DNAH14: variants seen among roughly 807,000 people sequenced by gnomAD.
DNAH14 encodes axonemal beta dynein heavy chain 14.
In DNAH14, 478 loss-of-function variants were observed where a neutral mutation model predicts 520.9. The observed-to-expected ratio is 0.92, with a 90% CI of 0.85 to 0.99. The LOEUF (loss-of-function observed/expected upper bound fraction) is 0.99. Ranked by LOEUF, DNAH14 falls within the 50% of genes least tolerant of loss-of-function variation. The pLI is 0.00. For missense variants in DNAH14, 4,831 were observed against 5,234.5 expected (o/e 0.92, Z 2.38); for synonymous variants, 1,581 against 1,757.2 (o/e 0.90, Z 2.51).
chr1:225,101,118 T>C (rs550859940), intron 23 of DNAH14, among the ~76,000 whole-genome samples: 94 of 152,090 alleles, frequency 6.2e-4, no homozygotes, highest in African/African-American at 2.2e-3. Context: ...AGTGCCCAGG[T>C]TCCCTTACCT....
rs748057987 is a variant in DNAH14, at chr1:224,974,167, C to G, written c.830+14C>G. Reference sequence around the variant, plus strand: ...AGAGAAGAGCAGGTAAGTTTTGATACGCAATATATAAAAATTTCAAAAGGA... The same window carrying G: ...AGAGAAGAGCAGGTAAGTTTTGATAGGCAATATATAAAAATTTCAAAAGGA... On this transcript the variant is annotated intron_variant, in intron 8 of 85. Transcript: ENST00000682510. 1 of 1,428,960 alleles carries G rather than the reference C, an allele frequency of 7.0e-7. No homozygotes were observed. Among genetic ancestry groups the G allele is most frequent in the Non-Finnish European group, 9.3e-7 (1 of 1,079,700 alleles). The allele number at this position is 1,428,960 out of a possible 1,614,324, so 88.5% of individuals were successfully genotyped here. A position where few individuals can be genotyped will look rare whatever the true frequency, so the allele number is the denominator to read the frequency against.
intron 12 of DNAH14, 106 bp downstream of exon 12, chr1:225,038,929 A>G (rs990216007): frequency 2.2e-5 from 22 of 1,008,024 alleles, no homozygotes; most frequent in Non-Finnish European, 2.9e-5. Flanking sequence ...GCCCTTACCC[A>G]ACATACCCTC....
chr1:225,335,353 G>GTGTGTACATGTGTGTGTGCA lies in DNAH14; in HGVS notation c.10080+1847_10080+1848insTGTGTACATGTGTGTGTGCA, dbSNP rs1553335256. Among the ~76,000 whole-genome samples the GTGTGTACATGTGTGTGTGCA allele has an allele frequency of 9.0e-3, 356 of 39,410 alleles. 34 individuals are homozygous for GTGTGTACATGTGTGTGTGCA. Among genetic ancestry groups the GTGTGTACATGTGTGTGTGCA allele is most frequent in the East Asian group, 0.024 (23 of 966 alleles). The allele number at this position is 39,410 out of a possible 152,430, so 25.9% of individuals were successfully genotyped here. A position where few individuals can be genotyped will look rare whatever the true frequency, so the allele number is the denominator to read the frequency against. ...CACGTGTGTACATGTGTGTGTATAT[G>GTGTGTACATGTGTGTGTGCA]CATATACACGTGTACATGTGTGTGT... is the stretch of plus-strand genomic sequence containing the variant. On this transcript the variant is annotated intron_variant, in intron 66 of 85. Transcript: ENST00000682510.
At position 225,392,439 on chromosome 1, in the gene DNAH14, G is replaced by A; in HGVS notation, c.13479G>A (p.Arg4493=). The A allele has an allele frequency of 6.4e-7, 1 of 1,551,806 alleles. No homozygotes were observed. Among genetic ancestry groups the A allele is most frequent in the South Asian group, 1.2e-5 (1 of 84,062 alleles). ...TGCCAAAGAAACTCAACATAGTCAG[G>A]AGAGCGTTTAAGGTACTGGAATACT... ...VFMPKKLNIV[R]RAFKGSASSH... is the part of the protein sequence containing the mutation. The change falls in exon 84 of 86, where the codon AGG becomes AGA. Residue 4493 remains arginine (R), a synonymous_variant. Coordinates refer to ENST00000682510, the MANE Select transcript of DNAH14 (RefSeq NM_001367479.1).
chr1:224,957,807 G>T (rs1053478529), intron 3 of DNAH14, among the ~76,000 whole-genome samples: 11 of 152,136 alleles, frequency 7.2e-5, no homozygotes, highest in Admixed American at 6.6e-5. Flanking sequence ...AATAAGAAAT[G>T]CATAGTAAAT....
At position 225,018,626 on chromosome 1, in the gene DNAH14, AG is replaced by A. The variant is rs879838707; in HGVS notation, c.1108-4988del. ...TCAAATTCTCCAAGGTCAACATGAAAGAAAAAATCTTAAAGGGAGTTAGAGA... is the reference window on the plus strand; with the variant it reads ...TCAAATTCTCCAAGGTCAACATGAAAAAAAAATCTTAAAGGGAGTTAGAGA... On this transcript the variant is annotated intron_variant, in intron 10 of 85. Coordinates refer to ENST00000682510, the MANE Select transcript of DNAH14 (RefSeq NM_001367479.1). 5.9e-5 allele frequency among the ~76,000 whole-genome samples: 9 copies of A among 152,308 alleles called. No individual in the cohort carries two copies. The East Asian group carries it at 1.7e-3, about 29-fold the overall frequency.
chr1:225,055,404 GGGCTATAGTGCAGT>G (rs1004118410), intron 17 of DNAH14, among the ~76,000 whole-genome samples: 89 of 152,130 alleles, frequency 5.9e-4, no homozygotes, highest in Admixed American at 1.2e-3. Context: ...GCAGTGATGG[GGGCTATAGTGCAGT>G]GGCAATCATA....
In DNAH14 at chr1:225,185,325, G is replaced by A; in HGVS notation, c.5570G>A (p.Gly1857Asp). The A allele has an allele frequency of 1.9e-6, 3 of 1,546,966 alleles. No homozygotes were observed. The highest frequency in any genetic ancestry group is 2.6e-6 in the Non-Finnish European group (3 of 1,145,174). The change falls in exon 37 of 86, where the codon GGT (glycine) becomes GAT (aspartate). Residue 1857 changes from glycine (G) to aspartate (D), a missense_variant. By Grantham distance (94) the Gly-to-Asp change is moderately conservative (BLOSUM62 -1). Transcript: ENST00000682510. ...CVGVMLVGPT[G>D]GGKTTVRRIL... ...GGTGTGATGTTAGTGGGCCCAACAG[G>A]TGGAGGAAAGACAACAGTCAGAAGA...
intron 21 of DNAH14, among the ~76,000 whole-genome samples, chr1:225,088,768 C>T (rs1294589771): frequency 7.2e-5 from 11 of 152,138 alleles, no homozygotes; most frequent in Non-Finnish European, 1.5e-5. Flanking sequence ...GATGACATTA[C>T]TACAGATTCT....
At chr1:224,969,830 C>G (rs1209812053) in intron 7 of DNAH14, 2 of 154,302 alleles carry the variant, frequency 1.3e-5, no homozygotes, top group Non-Finnish European at 2.9e-5. Flanking sequence ...TTGTGATTTC[C>G]TATGCCTGTC....
intron 17 of DNAH14, among the ~76,000 whole-genome samples, chr1:225,061,469 G>A (rs1474525727): frequency 1.3e-5 from 2 of 152,184 alleles, no homozygotes; most frequent in Admixed American, 1.3e-4. Flanking sequence ...TCCTGGGTGA[G>A]GCCGTGCCTC....
chr1:225,049,477 A>G (rs762031813), intron 15 of DNAH14, among the ~76,000 whole-genome samples: 21 of 151,996 alleles, frequency 1.4e-4, no homozygotes, highest in Non-Finnish European at 7.4e-5. Context: ...AATCTTTGTG[A>G]GATTTTCTCC....
At chr1:225,392,564 C>CT in intron 84 of DNAH14, 113 bp downstream of exon 84, 2 of 1,284,142 alleles carry the variant, frequency 1.6e-6, no homozygotes, top group African/African-American at 1.5e-5. Context: ...ATGCCAGGCA[C>CT]TAGACAGGCA....
At chr1:225,026,616 C>G (rs908184221) in intron 11 of DNAH14, among the ~76,000 whole-genome samples, 5 of 152,088 alleles carry the variant, frequency 3.3e-5, no homozygotes, top group Non-Finnish European at 7.4e-5. Context: ...TTTCATTGCT[C>G]CATGTCTGTC....
chr1:225,144,457 C>T lies in DNAH14; in HGVS notation c.4569C>T (p.Ala1523=), dbSNP rs1264556367. The change falls in exon 29 of 86, where the codon GCC becomes GCT. Residue 1523 remains alanine (A), a synonymous_variant. Transcript: ENST00000682510. The part of the protein sequence containing the change: ...QKLCYVSQGN[A]SFTYGYEYLG... ...TGTGCTATGTGTCTCAAGGAAATGC[C>T]AGCTTTACTTATGGCTATGAGTACT... 5.2e-6 allele frequency: 8 copies of T among 1,551,310 alleles called. No individual in the cohort carries two copies. Among genetic ancestry groups the T allele is most frequent in the Non-Finnish European group, 1.7e-6 (2 of 1,146,938 alleles).
At chr1:225,061,637 A>G (rs1352360479) in intron 17 of DNAH14, among the ~76,000 whole-genome samples, 1 of 152,258 alleles carries the variant, frequency 6.6e-6, no homozygotes, top group East Asian at 1.9e-4. Flanking sequence ...AGCTGTTCCT[A>G]TACGGCCATC....
At chr1:224,970,487 A>G (rs1019316604) in intron 7 of DNAH14, among the ~76,000 whole-genome samples, 1 of 149,492 alleles carries the variant, frequency 6.7e-6, no homozygotes, top group Non-Finnish European at 1.5e-5. Context: ...CTATTCGTAC[A>G]CTCCCTCCCC....
At chr1:225,019,247 C>A (rs374363733) in intron 10 of DNAH14, among the ~76,000 whole-genome samples, 8 of 151,084 alleles carry the variant, frequency 5.3e-5, no homozygotes, top group Non-Finnish European at 5.9e-5. Flanking sequence ...AAATGGAAAA[C>A]AAAAAAAAAA....
intron 45 of DNAH14, among the ~76,000 whole-genome samples, chr1:225,258,333 T>C (rs764813911): frequency 1.3e-5 from 2 of 152,198 alleles, no homozygotes; most frequent in African/African-American, 2.4e-5. Context: ...ATCTTTTCAT[T>C]ACCTGCAGGA....
Sources: gnomAD v4.1 joint callset for allele counts (sites outside exome capture counted in the v4.1 genomes callset) on GRCh38, gnomAD v4.1.1 for gene constraint, MANE v1.5 for transcripts, NCBI Gene and HGNC (gene_info 2026-07-23, HGNC 2026-07-21) for gene names.